Variants in BPTF observed in about 807,000 individuals in gnomAD.
The protein encoded by BPTF is nucleosome-remodeling factor subunit BPTF.
In BPTF, 18 loss-of-function variants were observed where a neutral mutation model predicts 292.5. The observed-to-expected ratio is 0.06, with a 90% confidence interval of 0.04 to 0.09. The LOEUF is 0.09. Among genes scored for constraint, BPTF ranks in the 10% least tolerant of loss-of-function variants. The probability of loss-of-function intolerance (pLI) is 1.00; values close to 1 mark genes in which losing one functional copy is unlikely to be tolerated. For synonymous variants in BPTF, 1,225 were observed against 1,251.9 expected (o/e 0.98, Z 0.45); for missense variants, 2,726 against 3,498.7 (o/e 0.78, Z 5.57).
At chr17:67,872,865 G>A (rs920068205) in intron 3 of BPTF, among the ~76,000 whole-genome samples, 2 of 152,130 alleles carry the variant, frequency 1.3e-5, no homozygotes, top group African/African-American at 2.4e-5. Flanking sequence ...GGTAGGCCAA[G>A]GCACGGGGGA....
intron 23 of BPTF, among the ~76,000 whole-genome samples, chr17:67,949,815 T>C (rs1442725235): frequency 1.3e-5 from 2 of 151,680 alleles, no homozygotes; most frequent in Admixed American, 6.6e-5. Context: ...CCCAGCACTT[T>C]GGGTGGCCGA....
At chr17:67,914,016 C>T (rs1186592508) in intron 11 of BPTF, among the ~76,000 whole-genome samples, 1 of 152,054 alleles carries the variant, frequency 6.6e-6, no homozygotes, top group Non-Finnish European at 1.5e-5. Context: ...TATCTTTTCA[C>T]CCCTGTAATT....
chr17:67,866,900 A>T (rs1332827409), intron 3 of BPTF, among the ~76,000 whole-genome samples: 1 of 152,276 alleles, frequency 6.6e-6, no homozygotes, highest in Non-Finnish European at 1.5e-5. Flanking sequence ...CACCTAGGTT[A>T]TACGGCATAG....
intron 27 of BPTF, chr17:67,981,987 ATATATATAT>A (rs2070446963): frequency 8.6e-3 from 2 of 232 alleles, no homozygotes; most frequent in Admixed American, 0.2. Context: ...TTAGACAAAT[ATATATATAT>A]ATATATATAT....
At chr17:67,933,317 C>A (rs989371193) in intron 18 of BPTF, among the ~76,000 whole-genome samples, 1 of 151,580 alleles carries the variant, frequency 6.6e-6, no homozygotes, top group Non-Finnish European at 1.5e-5. Flanking sequence ...AGCCTGTAAT[C>A]CCAAAACTTT....
intron 25 of BPTF, among the ~76,000 whole-genome samples, 190 bp downstream of exon 25, chr17:67,964,594 G>A (rs1212750660): frequency 9.2e-5 from 14 of 152,078 alleles, no homozygotes; most frequent in East Asian, 1.9e-4. Flanking sequence ...CCCACACCAC[G>A]TCAGCTTATC....
chr17:67,843,956 G>T (rs2144558436), intron 1 of BPTF, among the ~76,000 whole-genome samples: 2 of 150,354 alleles, frequency 1.3e-5, no homozygotes, highest in South Asian at 4.2e-4. Flanking sequence ...GTAGAGATGG[G>T]GTTTCACCAT....
intron 26 of BPTF, among the ~76,000 whole-genome samples, chr17:67,969,452 C>CAAAA (rs11360473): frequency 4.2e-5 from 2 of 47,982 alleles, no homozygotes; most frequent in African/African-American, 8.4e-5. Context: ...ACTCTGTCTC[C>CAAAA]AAAAAAAAAA....
chr17:67,928,952 C>T (rs1349613279), intron 16 of BPTF: 1 of 1,168,580 alleles, frequency 8.6e-7, no homozygotes, highest in Non-Finnish European at 1.1e-6. Flanking sequence ...GTCTTATACC[C>T]CATTAGCCAC....
chr17:67,964,798 G>C (rs1401247749), intron 25 of BPTF, among the ~76,000 whole-genome samples: 2 of 148,194 alleles, frequency 1.3e-5, no homozygotes, highest in Admixed American at 6.8e-5. Context: ...CAGGAGATCA[G>C]ACCATCCTGG....
chr17:67,826,294 G>A lies in BPTF; in HGVS notation c.570G>A (p.Thr190=), dbSNP rs35711041. The change falls in exon 1 of 28, where the codon ACG becomes ACA. Residue 190 remains threonine (T), a synonymous_variant. Coordinates refer to ENST00000306378, the MANE Select transcript of BPTF (RefSeq NM_182641.4). ...EDDDDDASYC[T]ESSFRSHSTY... ...ACGACGACGACGCCAGTTACTGCAC[G>A]GAAAGCAGCTTCAGGAGCCATAGTA... The A allele has an allele frequency of 0.018, 29,629 of 1,612,720 alleles. 352 individuals are homozygous for A. Among genetic ancestry groups the A allele is most frequent in the Admixed American group, 0.022 (1,304 of 59,988 alleles).
rs79076582 is a variant in BPTF at position 67,911,798 on chromosome 17, A to G, written c.3914A>G (p.Asp1305Gly). The change falls in exon 11 of 28, where the codon GAT becomes GGT. Residue 1305 changes from aspartate (D) to glycine (G), a missense_variant. Physicochemically the swap from Asp to Gly is moderately conservative, Grantham distance 94. This residue lies in a region of BPTF where 713 missense variants were observed against 714.9 expected (regional missense o/e 1.00). Transcript: ENST00000306378. ...TVSIQDSSEE[D>G]MIVQNSNESI... ...TCTATTCAGGATAGCAGTGAAGAAG[A>G]TATGATTGTTCAGAATAGCAATGAA... 4.4e-3 allele frequency: 7,128 copies of G among 1,614,226 alleles called. 21 individuals are homozygous for G. The highest frequency in any genetic ancestry group is 5.5e-3 in the Non-Finnish European group (6,490 of 1,180,028).
At chr17:67,972,339 G>A (rs942447445) in intron 26 of BPTF, among the ~76,000 whole-genome samples, 1 of 151,988 alleles carries the variant, frequency 6.6e-6, no homozygotes, top group Non-Finnish European at 1.5e-5. Context: ...GGGTTCAACC[G>A]ATTCTTCCAC....
intron 1 of BPTF, among the ~76,000 whole-genome samples, chr17:67,831,342 A>G (rs2056657030): frequency 6.6e-6 from 1 of 152,210 alleles, no homozygotes; most frequent in Non-Finnish European, 1.5e-5. Context: ...GTTTTCAGTT[A>G]TCAGCACCTC....
chr17:67,870,347 G>C (rs1165662604), intron 3 of BPTF, among the ~76,000 whole-genome samples: 1 of 151,500 alleles, frequency 6.6e-6, no homozygotes, highest in Non-Finnish European at 1.5e-5. Flanking sequence ...TGTTGGGGAA[G>C]AGAAGGGGAC....
intron 2 of BPTF, among the ~76,000 whole-genome samples, chr17:67,857,760 T>C (rs1403592874): frequency 1.4e-5 from 2 of 146,156 alleles, no homozygotes; most frequent in Non-Finnish European, 3.0e-5. Context: ...AGCCACTGCG[T>C]CTAGACTAAC....
chr17:67,957,103 A>C (rs1290795380), intron 23 of BPTF: 1 of 151,260 alleles, frequency 6.6e-6, no homozygotes, highest in African/African-American at 2.4e-5. Context: ...ACCAACATGG[A>C]GAAACCCCGT....
At chr17:67,931,610 G>A (rs551320244) in intron 17 of BPTF, among the ~76,000 whole-genome samples, 2 of 152,324 alleles carry the variant, frequency 1.3e-5, no homozygotes, top group East Asian at 3.9e-4. Flanking sequence ...ACATTTTCCT[G>A]TGAGCACTAG....
intron 18 of BPTF, among the ~76,000 whole-genome samples, chr17:67,937,836 C>A (rs2065043884): frequency 6.6e-6 from 1 of 152,156 alleles, no homozygotes. Context: ...GAGATCCGGC[C>A]GGGTACAGTG....
Sources: gnomAD v4.1 joint callset for allele counts (sites outside exome capture counted in the v4.1 genomes callset) on GRCh38, gnomAD v4.1.1 for gene constraint, gnomAD v4.1.1 regional missense constraint, MANE v1.5 for transcripts, NCBI Gene and HGNC (gene_info 2026-07-23, HGNC 2026-07-21) for gene names.